The following MAST4 variants were observed in gnomAD, a reference collection of about 807,000 sequenced individuals.
MAST4 encodes microtubule-associated serine/threonine-protein kinase 4.
Under a neutral mutation model 162.7 loss-of-function variants are expected in MAST4, and 89 were observed. The observed-to-expected ratio is 0.55, with a 90% CI of 0.46 to 0.65. MAST4 has a LOEUF of 0.65. Among genes scored for constraint, MAST4 ranks in the 30% least tolerant of loss-of-function variants. The pLI is 0.00. For synonymous variants in MAST4, 1,479 were observed against 1,361.1 expected (o/e 1.09, Z -1.91); for missense variants, 3,153 against 3,374.0 (o/e 0.93, Z 1.62).
chr5:66,861,311 T>C (rs920017312), intron 3 of MAST4, among the ~76,000 whole-genome samples: 2 of 152,360 alleles, frequency 1.3e-5, no homozygotes, highest in Middle Eastern at 3.4e-3. Flanking sequence ...TTAAAGGTGA[T>C]ACAAATCAGC....
intron 2 of MAST4, among the ~76,000 whole-genome samples, chr5:66,762,200 T>C (rs1192574544): frequency 1.3e-5 from 2 of 152,210 alleles, no homozygotes; most frequent in African/African-American, 4.8e-5. Context: ...CAATTACTTT[T>C]GGTAACTAAG....
intron 4 of MAST4, among the ~76,000 whole-genome samples, chr5:67,048,029 C>T (rs1757591379): frequency 6.6e-6 from 1 of 152,114 alleles, no homozygotes; most frequent in Non-Finnish European, 1.5e-5. Context: ...ATAGAGATAT[C>T]CAGGTGAAGC....
At chr5:66,985,875 A>T (rs1190772829) in intron 4 of MAST4, among the ~76,000 whole-genome samples, 2 of 152,230 alleles carry the variant, frequency 1.3e-5, no homozygotes, top group African/African-American at 2.4e-5. Flanking sequence ...GGGAAACCTG[A>T]GCTTCATTGA....
At chr5:66,954,658 T>C (rs891545883) in intron 4 of MAST4, among the ~76,000 whole-genome samples, 1 of 152,074 alleles carries the variant, frequency 6.6e-6, no homozygotes, top group African/African-American at 2.4e-5. Context: ...CCCAGCACTT[T>C]GGGAGGCTGA....
At chr5:66,966,600 G>T (rs552193162) in intron 4 of MAST4, among the ~76,000 whole-genome samples, 1 of 152,076 alleles carries the variant, frequency 6.6e-6, no homozygotes, top group African/African-American at 2.4e-5. Flanking sequence ...AGCATGGAGG[G>T]TGGTGCACTG....
intron 4 of MAST4, among the ~76,000 whole-genome samples, chr5:66,924,993 AT>A: frequency 6.6e-6 from 1 of 152,240 alleles, no homozygotes; most frequent in Non-Finnish European, 1.5e-5. Context: ...GAGTATTTAT[AT>A]TATAGAAAAA....
At chr5:66,951,626 G>GTA (rs1333524752) in intron 4 of MAST4, among the ~76,000 whole-genome samples, 2 of 148,844 alleles carry the variant, frequency 1.3e-5, no homozygotes, top group African/African-American at 5.1e-5. Context: ...GTGTGTGTGT[G>GTA]TGTGTGTGTG....
rs887110572 is a variant in MAST4 at position 66,596,842 on chromosome 5, C to A, written c.187C>A (p.Pro63Thr). Residue 63 changes from proline (P) to threonine (T), a missense_variant, in exon 1 of 29, where the codon CCG becomes ACG. This residue lies in a region of MAST4 where 327 missense variants were observed against 336.5 expected (regional missense o/e 0.97). Coordinates refer to ENST00000403625, the MANE Select transcript of MAST4 (RefSeq NM_001164664.2). The part of the protein sequence containing the change: ...EPGGFSREHQ[P>T]PPPPPLGGTL... ...CGGCGGCTTCTCCAGAGAGCATCAG[C>A]CGCCGCCGCCGCCGCCGTTGGGAGG... 1 of 1,282,232 alleles carries A rather than the reference C, an allele frequency of 7.8e-7. No individual in the cohort carries two copies. The highest frequency in any genetic ancestry group is 9.9e-7 in the Non-Finnish European group (1 of 1,014,636). 79.4% of individuals were successfully genotyped at this position (1,282,232 alleles called of 1,614,324 possible).
intron 26 of MAST4, among the ~76,000 whole-genome samples, chr5:67,157,146 G>A (rs977332053): frequency 3.3e-5 from 5 of 152,164 alleles, no homozygotes; most frequent in Non-Finnish European, 4.4e-5. Flanking sequence ...GGTAGCACTC[G>A]CTGTAGCTGG....
At chr5:67,148,944 T>A (rs906846483) in intron 23 of MAST4, among the ~76,000 whole-genome samples, 4 of 152,174 alleles carry the variant, frequency 2.6e-5, no homozygotes, top group African/African-American at 9.7e-5. Flanking sequence ...GCATTGATAA[T>A]GATAATCATC....
intron 5 of MAST4, among the ~76,000 whole-genome samples, chr5:67,082,305 C>T (rs185104735): frequency 2.6e-5 from 4 of 152,242 alleles, no homozygotes; most frequent in East Asian, 3.9e-4. Flanking sequence ...CACGCCACCA[C>T]GCCCAGCTAA....
intron 4 of MAST4, among the ~76,000 whole-genome samples, chr5:67,036,134 T>G (rs1471908571): frequency 6.6e-6 from 1 of 152,136 alleles, no homozygotes; most frequent in Non-Finnish European, 1.5e-5. Context: ...AGACTTGGTA[T>G]AGAGGAAGGA....
chr5:66,806,099 T>C (rs1756172423), intron 3 of MAST4, among the ~76,000 whole-genome samples: 1 of 152,184 alleles, frequency 6.6e-6, no homozygotes, highest in Admixed American at 6.5e-5. Flanking sequence ...CATGAGCTTT[T>C]TCCCTGAACT....
At chr5:66,675,631 G>A (rs1197906386) in intron 1 of MAST4, among the ~76,000 whole-genome samples, 3 of 152,066 alleles carry the variant, frequency 2.0e-5, no homozygotes, top group Admixed American at 2.0e-4. Context: ...TTAATGACTT[G>A]GCCAAGAACA....
chr5:66,665,429 T>G (rs928509677), intron 1 of MAST4, among the ~76,000 whole-genome samples: 6 of 152,230 alleles, frequency 3.9e-5, no homozygotes, highest in Non-Finnish European at 2.9e-5. Flanking sequence ...AAATAATTAA[T>G]GACAAAAGTA....
intron 3 of MAST4, among the ~76,000 whole-genome samples, chr5:66,872,969 G>A (rs558604664): frequency 3.3e-5 from 5 of 152,298 alleles, no homozygotes; most frequent in African/African-American, 9.6e-5. Context: ...ACCATGCAGT[G>A]TGTTCTATAG....
rs1209782576 is a variant in MAST4, at chr5:66,837,864, TTATATA to T, written c.642+49096_642+49101del. Among the ~76,000 whole-genome samples the T allele has an allele frequency of 3.3e-3, 269 of 82,660 alleles. 3 individuals carry two copies. Among genetic ancestry groups the T allele is most frequent in the African/African-American group, 8.6e-3 (150 of 17,506 alleles). 54.2% of individuals were successfully genotyped at this position (82,660 alleles called of 152,430 possible). A position where few individuals can be genotyped will look rare whatever the true frequency, so the allele number is the denominator to read the frequency against. On this transcript the variant is annotated intron_variant, in intron 3 of 28. Transcript: ENST00000403625. ...ATCAAGTCTCAAGTGAGACTTGATT[TTATATA>T]TATATATATATATATATATATATAT...
rs1411219589 is a variant in MAST4 at position 67,167,657 on chromosome 5, C to A, written c.*606C>A. The A allele has an allele frequency of 2.6e-5, 4 of 152,222 alleles. No individual in the cohort carries two copies. The highest frequency in any genetic ancestry group is 9.6e-5 in the African/African-American group (4 of 41,458). The allele number at this position is 152,222 out of a possible 1,614,324, so 9.4% of individuals were successfully genotyped here. On this transcript the variant is annotated 3_prime_UTR_variant, in exon 29 of 29. Coordinates refer to ENST00000403625, the MANE Select transcript of MAST4 (RefSeq NM_001164664.2). ...TTCTGAGTTTTTATGTGTATTTTAACCAGAGTTTCTGATAGTACTGTATCT... is the reference window on the plus strand; with the variant it reads ...TTCTGAGTTTTTATGTGTATTTTAAACAGAGTTTCTGATAGTACTGTATCT...
chr5:66,901,793 C>T lies in MAST4; in HGVS notation c.674+1811C>T, dbSNP rs193119409. On this transcript the variant is annotated intron_variant, in intron 4 of 28. Coordinates refer to ENST00000403625, the MANE Select transcript of MAST4 (RefSeq NM_001164664.2). Reference sequence around the variant, plus strand: ...GTATTTTCTATTAAGCACAAATATTCCCCAGAGAATTAATGATGCCTCATA... The same window carrying T: ...GTATTTTCTATTAAGCACAAATATTTCCCAGAGAATTAATGATGCCTCATA... Among the ~76,000 whole-genome samples the T allele has an allele frequency of 1.6e-3, 249 of 152,144 alleles. 1 individual carries two copies. The highest frequency in any genetic ancestry group is 5.7e-3 in the African/African-American group (238 of 41,480).
Sources: allele counts gnomAD v4.1 joint callset (sites outside exome capture counted in the v4.1 genomes callset), GRCh38; gene constraint gnomAD v4.1.1; regional missense constraint gnomAD v4.1.1; transcripts MANE v1.5; gene names NCBI Gene and HGNC (gene_info 2026-07-23, HGNC 2026-07-21).